Variants in ADAM29 observed in about 807,000 individuals in gnomAD.
ADAM29 encodes disintegrin and metalloproteinase domain-containing protein 29.
For synonymous variants in ADAM29, 367 were observed against 342.3 expected, an observed-to-expected ratio of 1.07 and a Z score of -0.80; for missense variants, 969 against 1,001.8, an observed-to-expected ratio of 0.97 and a Z score of 0.44.
chr4:174,930,184 C>G lies in ADAM29; in HGVS notation c.-450-802C>G, dbSNP rs540464358. Among the ~76,000 whole-genome samples, 22 of 152,262 alleles carry G rather than the reference C, an allele frequency of 1.4e-4. No individual in the cohort carries two copies. In the South Asian group the frequency reaches 1.7e-3, roughly 11 times the overall value. On this transcript the variant is annotated intron_variant, in intron 2 of 4. Transcript: ENST00000359240. Reference sequence around the variant, plus strand: ...ACCTCAAGTAATCTGCCCACTTCGGCCTCCCAAAGTGCTGGGATTATAGGC... The same window carrying G: ...ACCTCAAGTAATCTGCCCACTTCGGGCTCCCAAAGTGCTGGGATTATAGGC...
chr4:174,938,067 G>C (rs1041192972), intron 4 of ADAM29, among the ~76,000 whole-genome samples: 2 of 152,042 alleles, frequency 1.3e-5, no homozygotes, highest in Non-Finnish European at 2.9e-5. Context: ...GAAATATTCC[G>C]ACTAGCTATA....
In ADAM29 at chr4:174,976,453, C is replaced by A. The variant is rs1234490611; in HGVS notation, c.928C>A (p.His310Asn). Residue 310 changes from histidine to asparagine, a missense_variant, in exon 5 of 5, where the codon CAC becomes AAC. By Grantham distance (68) the His-to-Asn change is moderately conservative (BLOSUM62 1). Transcript: ENST00000359240. ...AGCTTTTAGAGGAATGTGTACACCA[C>A]ACCGTAGTTGTGCAATTGTTACTTT... ...IGAFRGMCTP[H>N]RSCAIVTFMN... 6.2e-7 allele frequency: 1 copy of A among 1,608,672 alleles called. No individual in the cohort carries two copies. Among genetic ancestry groups the A allele is most frequent in the East Asian group, 2.2e-5 (1 of 44,864 alleles).
At chr4:174,947,503 C>A (rs988914232) in intron 4 of ADAM29, among the ~76,000 whole-genome samples, 22 of 152,126 alleles carry the variant, frequency 1.4e-4, no homozygotes, top group African/African-American at 5.3e-4. Flanking sequence ...ATTGTTTACC[C>A]AAAAGCCATT....
At chr4:174,943,166 A>G (rs1373483319) in intron 4 of ADAM29, among the ~76,000 whole-genome samples, 3 of 152,188 alleles carry the variant, frequency 2.0e-5, no homozygotes, top group Non-Finnish European at 4.4e-5. Flanking sequence ...TACCACTATT[A>G]GCATGTTGAT....
chr4:174,924,610 A>G (rs959410346), intron 2 of ADAM29, among the ~76,000 whole-genome samples: 2 of 152,198 alleles, frequency 1.3e-5, no homozygotes, highest in East Asian at 3.9e-4. Flanking sequence ...TATCAATACA[A>G]TGGATACTGT....
At chr4:174,946,063 T>A (rs1450022584) in intron 4 of ADAM29, among the ~76,000 whole-genome samples, 1 of 152,186 alleles carries the variant, frequency 6.6e-6, no homozygotes, top group Non-Finnish European at 1.5e-5. Context: ...TAGCACTGAA[T>A]CTGAACATTG....
rs1000038176 is a variant in ADAM29, at chr4:174,960,846, T to C, written c.-180-14500T>C. On this transcript the variant is annotated intron_variant, in intron 4 of 4. Transcript: ENST00000359240. ...CTTATACTATGTGCAAGGAAGTAGGTAGATCCCCAAATAGACCAGTTTTCC... is the reference window on the plus strand; with the variant it reads ...CTTATACTATGTGCAAGGAAGTAGGCAGATCCCCAAATAGACCAGTTTTCC... Among the ~76,000 whole-genome samples the C allele has an allele frequency of 3.3e-5, 5 of 152,284 alleles. No homozygotes were observed. In the East Asian group the frequency reaches 7.7e-4, roughly 24 times the overall value.
At chr4:174,971,225 A>T (rs1359724767) in intron 4 of ADAM29, among the ~76,000 whole-genome samples, 1 of 152,182 alleles carries the variant, frequency 6.6e-6, no homozygotes, top group Non-Finnish European at 1.5e-5. Context: ...GTAATGAATA[A>T]AAAATAATAG....
At chr4:174,942,477 T>C (rs1744594695) in intron 4 of ADAM29, among the ~76,000 whole-genome samples, 1 of 152,148 alleles carries the variant, frequency 6.6e-6, no homozygotes, top group Non-Finnish European at 1.5e-5. Context: ...ACAGGCCCAA[T>C]ACCATGTGGA....
At chr4:174,931,504 G>T (rs1743875150) in intron 3 of ADAM29, 1 of 152,058 alleles carries the variant, frequency 6.6e-6, no homozygotes, top group African/African-American at 2.4e-5. Flanking sequence ...AAACTCAGCA[G>T]CAGATTCTCC....
Position 174,931,153 on chromosome 4 carries a change from CT to C in ADAM29, c.-279del, listed in dbSNP as rs750567427. On this transcript the variant is annotated 5_prime_UTR_variant, in exon 3 of 5. Transcript: ENST00000359240. ...GTCCTCTTTGCGTGGAATCAGACCT[CT>C]TTTGCAGTGGAAAGGAGCAGGTAAA... 4 of 152,214 alleles carry C rather than the reference CT, an allele frequency of 2.6e-5. No homozygotes were observed. In the East Asian group the frequency reaches 7.7e-4, roughly 29 times the overall value. 9.4% of individuals were successfully genotyped at this position (152,214 alleles called of 1,614,324 possible). A position where few individuals can be genotyped will look rare whatever the true frequency, so the allele number is the denominator to read the frequency against.
intron 4 of ADAM29, among the ~76,000 whole-genome samples, chr4:174,948,652 C>T (rs1298090681): frequency 1.3e-5 from 2 of 152,184 alleles, no homozygotes; most frequent in Non-Finnish European, 2.9e-5. Flanking sequence ...TCACATGTGC[C>T]AGCAGCTGCA....
intron 4 of ADAM29, among the ~76,000 whole-genome samples, chr4:174,958,326 G>C (rs113558069): frequency 1.3e-5 from 2 of 151,740 alleles, no homozygotes; most frequent in African/African-American, 4.8e-5. Context: ...CAAATATTTT[G>C]ATACTGTGTT....
intron 4 of ADAM29, among the ~76,000 whole-genome samples, chr4:174,944,705 T>G (rs371400109): frequency 3.7e-4 from 57 of 152,120 alleles, no homozygotes; most frequent in African/African-American, 1.0e-3. Flanking sequence ...AAGTAAGCCC[T>G]CATGTCTGTT....
At chr4:174,962,315 T>A (rs893836986) in intron 4 of ADAM29, among the ~76,000 whole-genome samples, 1 of 151,810 alleles carries the variant, frequency 6.6e-6, no homozygotes, top group Admixed American at 6.6e-5. Flanking sequence ...ATCAAGACCA[T>A]CCTGGCTAAC....
intron 4 of ADAM29, among the ~76,000 whole-genome samples, chr4:174,937,742 C>T (rs563165508): frequency 2.0e-5 from 3 of 152,106 alleles, no homozygotes; most frequent in South Asian, 2.1e-4. Context: ...TTCTGAGCCT[C>T]GGATTGAAGC....
At chr4:174,940,686 A>G (rs1034876254) in intron 4 of ADAM29, among the ~76,000 whole-genome samples, 4 of 152,122 alleles carry the variant, frequency 2.6e-5, no homozygotes, top group African/African-American at 7.2e-5. Context: ...ATCACTTCAC[A>G]TGTGAAGTGG....
chr4:174,934,500 GT>G (rs1744092171), intron 3 of ADAM29, among the ~76,000 whole-genome samples: 1 of 151,616 alleles, frequency 6.6e-6, no homozygotes, highest in African/African-American at 2.4e-5. Context: ...AAACACTTGG[GT>G]TTTTCTAGTG....
At chr4:174,931,875 CTGTTTTGAA>C (rs1743902269) in intron 3 of ADAM29, among the ~76,000 whole-genome samples, 1 of 151,978 alleles carries the variant, frequency 6.6e-6, no homozygotes, top group African/African-American at 2.4e-5. Flanking sequence ...GTGGGAGAGA[CTGTTTTGAA>C]TGTTTTGGTT....
Sources: gnomAD v4.1 joint callset for allele counts (sites outside exome capture counted in the v4.1 genomes callset) on GRCh38, gnomAD v4.1.1 for gene constraint, MANE v1.5 for transcripts, NCBI Gene and HGNC (gene_info 2026-07-23, HGNC 2026-07-21) for gene names.